HEATR4: variants seen among roughly 807,000 people sequenced by gnomAD.
HEATR4 encodes the protein HEAT repeat-containing protein 4.
A neutral mutation model predicts 108.8 loss-of-function variants in HEATR4; 95 were observed. The ratio of observed to expected loss-of-function variants is 0.87; its 90% CI spans 0.74 to 1.04. The LOEUF is 1.04. Ranked by LOEUF, HEATR4 falls within the 50% of genes least tolerant of loss-of-function variation. The pLI, the probability that HEATR4 is intolerant of heterozygous loss-of-function variation, is 0.00. For missense variants in HEATR4, 1,152 were observed against 1,253.8 expected (o/e 0.92, Z 1.23); for synonymous variants, 443 against 459.4 (o/e 0.96, Z 0.46).
the HEATR4 span, among the ~76,000 whole-genome samples, chr14:73,570,593 GAA>G: frequency 1.3e-5 from 2 of 151,406 alleles, no homozygotes; most frequent in Non-Finnish European, 3.0e-5. Context: ...GTAAGGAAAG[GAA>G]AAAGACACTT....
chr14:73,587,148 C>CA, the HEATR4 span, among the ~76,000 whole-genome samples: 12 of 145,824 alleles, frequency 8.2e-5, no homozygotes, highest in African/African-American at 1.3e-4. Flanking sequence ...AAAACAAAAA[C>CA]AAAAAAAAGA....
At chr14:73,568,467 G>C in the HEATR4 span, among the ~76,000 whole-genome samples, 6 of 151,920 alleles carry the variant, frequency 3.9e-5, no homozygotes, top group Admixed American at 3.9e-4. Flanking sequence ...GCTGAGTCAG[G>C]AAGATGGCTT....
At chr14:73,491,167 G>GGCA in intron 17 of HEATR4, 2 of 1,603,532 alleles carry the variant, frequency 1.2e-6, no homozygotes. Context: ...TATCCCGCAT[G>GGCA]GCAGCGCTGA....
rs904266294 is a variant in HEATR4, at chr14:73,503,021, T to C, written c.1987-8A>G. On this transcript the variant is annotated splice_polypyrimidine_tract_variant and splice_region_variant and intron_variant, in intron 10 of 17. Coordinates refer to ENST00000553558, the MANE Select transcript of HEATR4 (RefSeq NM_001220484.1). ...CAACTTATGTTTCATATCCTATAAATAGGTATGATCATTAGGTATCATCAC... is the reference window on the plus strand; with the variant it reads ...CAACTTATGTTTCATATCCTATAAACAGGTATGATCATTAGGTATCATCAC... The C allele has an allele frequency of 6.3e-7, 1 of 1,578,538 alleles. No individual in the cohort carries two copies. The highest frequency in any genetic ancestry group is 8.7e-7 in the Non-Finnish European group (1 of 1,148,222).
the HEATR4 span, among the ~76,000 whole-genome samples, chr14:73,585,689 C>A: frequency 2.9e-5 from 4 of 137,376 alleles, no homozygotes; most frequent in African/African-American, 6.5e-5. Context: ...ACTAGAACCC[C>A]AAAAAAATTA....
chr14:73,619,985 C>CACT, the HEATR4 span: 1 of 916,170 alleles, frequency 1.1e-6, no homozygotes, highest in East Asian at 2.8e-5. Flanking sequence ...AATCTTGGCT[C>CACT]ACTGTAACCT....
At chr14:73,590,810 C>A in the HEATR4 span, among the ~76,000 whole-genome samples, 1 of 152,164 alleles carries the variant, frequency 6.6e-6, no homozygotes, top group South Asian at 2.1e-4. Context: ...CCCGCCCGCG[C>A]CTCTCCCTCC....
At chr14:73,527,401 C>T (rs1336300256) in intron 2 of HEATR4, 1 of 151,346 alleles carries the variant, frequency 6.6e-6, no homozygotes, top group Non-Finnish European at 1.5e-5. Flanking sequence ...GCTCAAACTT[C>T]GAGATAACAC....
At chr14:73,576,085 G>A in the HEATR4 span, among the ~76,000 whole-genome samples, 8,999 of 151,898 alleles carry the variant, frequency 0.059, 331 homozygotes, top group Middle Eastern at 0.095. Flanking sequence ...CCTGGGAGGC[G>A]GAGGTTGCAG....
In HEATR4 at chr14:73,478,614, G is replaced by A. The variant is rs374731911; in HGVS notation, c.3073C>T (p.His1025Tyr). The change falls in exon 18 of 18, where the codon CAT becomes TAT. Residue 1025 changes from histidine to tyrosine, a missense_variant. Transcript: ENST00000553558. ...TAAGACAAGTGTTCAGCTTAGAGAT[G>A]AGCACCTTTCTTTCCAGAGGGAGAA... is the stretch of plus-strand genomic sequence containing the variant. ...MSSPSGKKGAHL is the reference protein window; with the variant it reads ...MSSPSGKKGAYL 2.5e-6 allele frequency: 4 copies of A among 1,608,532 alleles called. No homozygotes were observed. The highest frequency in any genetic ancestry group is 3.4e-6 in the Non-Finnish European group (4 of 1,175,020).
At chr14:73,588,877 T>G in the HEATR4 span, among the ~76,000 whole-genome samples, 154 of 152,334 alleles carry the variant, frequency 1.0e-3, 3 homozygotes, top group Admixed American at 5.7e-3. Flanking sequence ...TCTGATGCTC[T>G]ATCAACTGAG....
chr14:73,583,071 C>A, the HEATR4 span, among the ~76,000 whole-genome samples: 1 of 152,018 alleles, frequency 6.6e-6, no homozygotes, highest in African/African-American at 2.4e-5. Context: ...TGGCTGCGCG[C>A]GGTGGCTCAC....
At chr14:73,560,431 GT>G (rs1467267721), upstream of HEATR4, among the ~76,000 whole-genome samples, 1 of 152,034 alleles carries the variant, frequency 6.6e-6, no homozygotes, top group Middle Eastern at 3.4e-3. Context: ...TGGGAGGCAA[GT>G]TGGGCGGATC....
intron 7 of HEATR4, among the ~76,000 whole-genome samples, chr14:73,509,866 A>ATATTTATT (rs1566832354): frequency 2.2e-4 from 15 of 67,512 alleles, no homozygotes; most frequent in Non-Finnish European, 3.3e-4. Flanking sequence ...ATATATATAT[A>ATATTTATT]TATTTATTTA....
At chr14:73,515,779 C>T (rs1315535166) in intron 5 of HEATR4, among the ~76,000 whole-genome samples, 2 of 112,986 alleles carry the variant, frequency 1.8e-5, no homozygotes, top group Non-Finnish European at 3.5e-5. Flanking sequence ...CCAGCTTGGA[C>T]GTGCTGGGGG....
At chr14:73,521,959 A>G (rs1887998302) in intron 3 of HEATR4, among the ~76,000 whole-genome samples, 1 of 152,222 alleles carries the variant, frequency 6.6e-6, no homozygotes, top group South Asian at 2.1e-4. Context: ...TCTTGGAGAC[A>G]TCTGGCAGTG....
the HEATR4 span, among the ~76,000 whole-genome samples, chr14:73,611,907 C>G: frequency 6.6e-6 from 1 of 152,120 alleles, no homozygotes; most frequent in Non-Finnish European, 1.5e-5. Context: ...AAGGGGTCAC[C>G]TGAGTACAAT....
the HEATR4 span, among the ~76,000 whole-genome samples, chr14:73,605,950 G>A: frequency 6.6e-6 from 1 of 151,984 alleles, no homozygotes; most frequent in South Asian, 2.1e-4. Flanking sequence ...TACACTTCAG[G>A]GATCAGCTGG....
chr14:73,619,189 A>T, the HEATR4 span: 1 of 1,519,500 alleles, frequency 6.6e-7, no homozygotes, highest in South Asian at 1.3e-5. Flanking sequence ...TGTGTCCTCC[A>T]TTTATGAATT....
Sources: allele counts gnomAD v4.1 joint callset (sites outside exome capture counted in the v4.1 genomes callset), GRCh38; gene constraint gnomAD v4.1.1; transcripts MANE v1.5; gene names NCBI Gene and HGNC (gene_info 2026-07-23, HGNC 2026-07-21).